CNTNAP2: variants seen among roughly 807,000 people sequenced by gnomAD.
CNTNAP2 encodes the protein contactin-associated protein-like 2.
Under a neutral mutation model 155.2 loss-of-function variants are expected in CNTNAP2, and 98 were observed. The ratio of observed to expected loss-of-function variants is 0.63; its 90% CI spans 0.54 to 0.75. The LOEUF (loss-of-function observed/expected upper bound fraction) is 0.75, where lower values mean the gene tolerates loss of function less well. Among genes scored for constraint, CNTNAP2 ranks in the 30% least tolerant of loss-of-function variants. The pLI is 0.00. For missense variants in CNTNAP2, 1,727 were observed against 1,688.1 expected, an observed-to-expected ratio of 1.02 and a Z score of -0.40; for synonymous variants, 651 against 631.2, an observed-to-expected ratio of 1.03 and a Z score of -0.47.
At position 147,758,583 on chromosome 7, in the gene CNTNAP2, C is replaced by T. The variant is rs538329489; in HGVS notation, c.2098+119277C>T. On this transcript the variant is annotated intron_variant, in intron 13 of 23. Coordinates refer to ENST00000361727, the MANE Select transcript of CNTNAP2 (RefSeq NM_014141.6). ...TTATGACTGGACATGGTGGCTCAGGCCTGTAATACCAGCACTTTGGGAGGC... is the reference window on the plus strand; with the variant it reads ...TTATGACTGGACATGGTGGCTCAGGTCTGTAATACCAGCACTTTGGGAGGC... Among the ~76,000 whole-genome samples, 131 of 152,270 alleles carry T rather than the reference C, an allele frequency of 8.6e-4. 1 individual carries two copies. Among genetic ancestry groups the T allele is most frequent in the African/African-American group, 3.1e-3 (130 of 41,562 alleles).
intron 3 of CNTNAP2, among the ~76,000 whole-genome samples, chr7:146,860,882 T>A (rs1462100981): frequency 6.6e-6 from 1 of 152,142 alleles, no homozygotes; most frequent in East Asian, 1.9e-4. Context: ...TTAATAACCA[T>A]GATGTCTATT....
chr7:147,740,281 A>C (rs1016022549), intron 13 of CNTNAP2, among the ~76,000 whole-genome samples: 29 of 152,324 alleles, frequency 1.9e-4, no homozygotes, highest in Middle Eastern at 3.4e-3. Flanking sequence ...TTAGATATCA[A>C]ATTGTTTTTA....
intron 12 of CNTNAP2, among the ~76,000 whole-genome samples, chr7:147,583,531 T>TATATAA (rs1280154794): frequency 1.1e-4 from 15 of 140,604 alleles, no homozygotes; most frequent in African/African-American, 3.4e-4. Flanking sequence ...TATATATATA[T>TATATAA]AATGTCAAAC....
intron 1 of CNTNAP2, among the ~76,000 whole-genome samples, chr7:146,329,267 A>G (rs1385349763): frequency 6.6e-6 from 1 of 152,202 alleles, no homozygotes; most frequent in African/African-American, 2.4e-5. Context: ...TCTCCTTGCC[A>G]AAATTACAAC....
At chr7:146,207,369 A>G (rs530460380) in intron 1 of CNTNAP2, among the ~76,000 whole-genome samples, 176 of 152,110 alleles carry the variant, frequency 1.2e-3, no homozygotes, top group African/African-American at 4.2e-3. Flanking sequence ...TTTAATGGGG[A>G]TTAAAATGCT....
At chr7:147,780,240 G>T (rs963553882) in intron 13 of CNTNAP2, among the ~76,000 whole-genome samples, 1 of 152,086 alleles carries the variant, frequency 6.6e-6, no homozygotes, top group African/African-American at 2.4e-5. Context: ...GTTTGATATT[G>T]GTCCTCACTG....
intron 17 of CNTNAP2, among the ~76,000 whole-genome samples, chr7:148,161,634 G>T (rs1028860985): frequency 6.6e-6 from 1 of 151,838 alleles, no homozygotes; most frequent in Non-Finnish European, 1.5e-5. Context: ...TAAACCAGTG[G>T]TGTATCTATA....
At chr7:146,966,455 G>A (rs1008242196) in intron 3 of CNTNAP2, among the ~76,000 whole-genome samples, 2 of 152,188 alleles carry the variant, frequency 1.3e-5, no homozygotes, top group Admixed American at 6.5e-5. Context: ...TGCCGCCTTT[G>A]ACGTAGGCCT....
intron 1 of CNTNAP2, among the ~76,000 whole-genome samples, chr7:146,504,151 G>A (rs1016575538): frequency 1.8e-4 from 28 of 152,176 alleles, no homozygotes; most frequent in African/African-American, 5.8e-4. Context: ...CTTTCCTTAC[G>A]CTCCACCCTC....
At chr7:148,239,933 G>A (rs4726932) in intron 20 of CNTNAP2, among the ~76,000 whole-genome samples, 108,792 of 152,014 alleles carry the variant, frequency 0.72, 40,123 homozygotes, top group East Asian at 0.95. Context: ...GCCACATGGG[G>A]TCCCTAAGAA....
intron 14 of CNTNAP2, among the ~76,000 whole-genome samples, chr7:147,949,461 T>A (rs545284776): frequency 0.055 from 7,820 of 143,386 alleles, 281 homozygotes; most frequent in South Asian, 0.12. Context: ...TATATATATT[T>A]TTTTTTTTTA....
At chr7:148,154,014 T>G (rs1203254054) in intron 17 of CNTNAP2, among the ~76,000 whole-genome samples, 1 of 152,244 alleles carries the variant, frequency 6.6e-6, no homozygotes, top group Non-Finnish European at 1.5e-5. Flanking sequence ...AAGTGGCTCC[T>G]TGACAGAGGC....
rs376582491 is a variant in CNTNAP2, at chr7:147,910,383, T to C, written c.2255+6662T>C. Among the ~76,000 whole-genome samples the C allele has an allele frequency of 2.0e-5, 3 of 152,180 alleles. No individual in the cohort carries two copies. The East Asian group carries it at 5.8e-4, about 29-fold the overall frequency. On this transcript the variant is annotated intron_variant, in intron 14 of 23. Transcript: ENST00000361727. ...GACTCTATGCCAAAGGTACTACATA[T>C]TTTGTCTTTATTTTAGAAATGCTCC...
chr7:147,581,689 T>C (rs1030794912), intron 12 of CNTNAP2, among the ~76,000 whole-genome samples: 2 of 152,194 alleles, frequency 1.3e-5, no homozygotes, highest in Non-Finnish European at 2.9e-5. Flanking sequence ...ATCTGGTGAT[T>C]AGTCATTAAC....
intron 1 of CNTNAP2, among the ~76,000 whole-genome samples, chr7:146,280,064 C>T (rs888585903): frequency 2.0e-5 from 3 of 151,890 alleles, no homozygotes; most frequent in Non-Finnish European, 4.4e-5. Flanking sequence ...TTTAAGTTAA[C>T]GGTAGGATTT....
chr7:146,630,450 G>A (rs548052481), intron 1 of CNTNAP2, among the ~76,000 whole-genome samples: 2 of 152,048 alleles, frequency 1.3e-5, no homozygotes, highest in South Asian at 2.1e-4. Flanking sequence ...ACATGTGTGT[G>A]CATGTGTCTT....
intron 15 of CNTNAP2, among the ~76,000 whole-genome samples, chr7:147,986,692 T>C (rs986135626): frequency 2.2e-4 from 34 of 152,292 alleles, no homozygotes; most frequent in African/African-American, 7.9e-4. Flanking sequence ...AGAGGAAACT[T>C]TGACCTGGAA....
chr7:146,623,305 T>C (rs893665325), intron 1 of CNTNAP2, among the ~76,000 whole-genome samples: 1 of 152,186 alleles, frequency 6.6e-6, no homozygotes, highest in Non-Finnish European at 1.5e-5. Context: ...GTTTTTCATA[T>C]ATTAAGGTTT....
chr7:148,021,321 C>T (rs1358510328), intron 15 of CNTNAP2, among the ~76,000 whole-genome samples: 1 of 152,096 alleles, frequency 6.6e-6, no homozygotes, highest in Non-Finnish European at 1.5e-5. Flanking sequence ...TACTCCCTAC[C>T]AAAAGAGGCT....
Sources: gnomAD v4.1 joint callset for allele counts (sites outside exome capture counted in the v4.1 genomes callset) on GRCh38, gnomAD v4.1.1 for gene constraint, MANE v1.5 for transcripts, NCBI Gene and HGNC (gene_info 2026-07-23, HGNC 2026-07-21) for gene names.